Variants in IGF1R observed in about 807,000 individuals in gnomAD.
IGF1R encodes the protein insulin like growth factor 1 receptor.
Under a neutral mutation model 144.6 loss-of-function variants are expected in IGF1R, and 44 were observed. The ratio of observed to expected loss-of-function variants is 0.30; its 90% CI spans 0.24 to 0.39. IGF1R has a LOEUF of 0.39. Ranked by LOEUF, IGF1R falls within the 10% of genes least tolerant of loss-of-function variation. The pLI is 1.00. For missense variants in IGF1R, 1,355 were observed against 1,833.7 expected (o/e 0.74, Z 4.77); for synonymous variants, 795 against 722.8 (o/e 1.10, Z -1.60).
At position 98,770,937 on chromosome 15, in the gene IGF1R, T is replaced by G. The variant is rs115675609; in HGVS notation, c.640+62830T>G. Among the ~76,000 whole-genome samples the G allele has an allele frequency of 1.5e-3, 235 of 152,254 alleles. 1 individual carries two copies. Among genetic ancestry groups the G allele is most frequent in the African/African-American group, 5.4e-3 (225 of 41,530 alleles). ...TCAGAGACTTCTGATCCCTAAAACT[T>G]TAGATCAACAGTCAATAAAAAGGTC... On this transcript the variant is annotated intron_variant, in intron 2 of 20. Coordinates refer to ENST00000650285, the MANE Select transcript of IGF1R (RefSeq NM_000875.5).
At chr15:98,912,681 A>G (rs1037011873) in intron 7 of IGF1R, among the ~76,000 whole-genome samples, 3 of 152,218 alleles carry the variant, frequency 2.0e-5, no homozygotes, top group Non-Finnish European at 2.9e-5. Flanking sequence ...TCCAACAGTT[A>G]CCTTCTTTCA....
chr15:98,964,015 C>A lies in IGF1R; in HGVS notation c.*6573C>A, dbSNP rs949798723. On this transcript the variant is annotated 3_prime_UTR_variant, in exon 21 of 21. Transcript: ENST00000650285. ...TTGGATGTTTGGCGTTGCACACACA[C>A]ATCCACCGGTGGAAGAGACGCCCGG... 4.3e-6 allele frequency: 1 copy of A among 233,226 alleles called. No homozygotes were observed. The highest frequency in any genetic ancestry group is 5.6e-5 in the Admixed American group (1 of 17,790). 14.4% of individuals were successfully genotyped at this position (233,226 alleles called of 1,614,324 possible).
Position 98,707,576 on chromosome 15 carries a change from A to G in IGF1R, c.109A>G (p.Ile37Val), listed in dbSNP as rs2053895754. 1 of 1,614,114 alleles carries G rather than the reference A, an allele frequency of 6.2e-7. No homozygotes were observed. The change falls in exon 2 of 21, where the codon ATC becomes GTC. Residue 37 changes from isoleucine to valine, a missense_variant. Ile to Val is a conservative substitution (Grantham distance 29). This residue lies in a region of IGF1R where 75 missense variants were observed against 160.0 expected (regional missense o/e 0.47). Coordinates refer to ENST00000650285, the MANE Select transcript of IGF1R (RefSeq NM_000875.5). This position sits in a 1 kb window ranked among gnomAD's most constrained non-coding sequence, Gnocchi z 6.7. ...PTSGEICGPGIDIRNDYQQLK... is the reference protein window; with the variant it reads ...PTSGEICGPGVDIRNDYQQLK... Reference sequence around the variant, plus strand: ...TCTCCCTTCAGTCTGCGGGCCAGGCATCGACATCCGCAACGACTATCAGCA... The same window carrying G: ...TCTCCCTTCAGTCTGCGGGCCAGGCGTCGACATCCGCAACGACTATCAGCA...
At chr15:98,850,309 GAC>G (rs1464706010) in intron 2 of IGF1R, among the ~76,000 whole-genome samples, 3 of 152,262 alleles carry the variant, frequency 2.0e-5, no homozygotes, top group Non-Finnish European at 4.4e-5. Flanking sequence ...GCCACTCACA[GAC>G]ACAGAGGAGG....
intron 20 of IGF1R, among the ~76,000 whole-genome samples, chr15:98,956,853 G>A (rs2017007983): frequency 6.6e-6 from 1 of 152,216 alleles, no homozygotes; most frequent in Admixed American, 6.5e-5. Flanking sequence ...TGGGGGAAGA[G>A]AATGGAACCG....
chr15:98,824,687 G>A (rs1271498655), intron 2 of IGF1R, among the ~76,000 whole-genome samples: 2 of 152,076 alleles, frequency 1.3e-5, no homozygotes, highest in African/African-American at 2.4e-5. Context: ...CCACTTGCTC[G>A]GCATTCTTTC....
chr15:98,719,289 G>A (rs2054192453), intron 2 of IGF1R, among the ~76,000 whole-genome samples: 1 of 152,000 alleles, frequency 6.6e-6, no homozygotes, highest in South Asian at 2.1e-4. Context: ...ATCACTTCAG[G>A]GACTGTCCAG....
At chr15:98,955,943 C>T (rs148488378) in intron 20 of IGF1R, among the ~76,000 whole-genome samples, 4 of 152,274 alleles carry the variant, frequency 2.6e-5, no homozygotes, top group East Asian at 1.9e-4. Flanking sequence ...TGAGAACAGA[C>T]GTGGAAAGGA....
At chr15:98,691,779 T>G (rs549189739) in intron 1 of IGF1R, among the ~76,000 whole-genome samples, 1 of 152,328 alleles carries the variant, frequency 6.6e-6, no homozygotes, top group South Asian at 2.1e-4. Context: ...TTGTTAACCT[T>G]CACCACCTGG....
intron 2 of IGF1R, among the ~76,000 whole-genome samples, chr15:98,879,039 C>T (rs908807848): frequency 1.4e-4 from 22 of 152,090 alleles, no homozygotes; most frequent in African/African-American, 5.3e-4. Flanking sequence ...GAGAGCGACA[C>T]TGTGTGTCCA....
intron 2 of IGF1R, among the ~76,000 whole-genome samples, chr15:98,855,995 A>T (rs1047131694): frequency 3.3e-5 from 5 of 152,234 alleles, no homozygotes; most frequent in Non-Finnish European, 7.3e-5. Context: ...CAAAGCATGA[A>T]GCTGCTGTAT....
intron 2 of IGF1R, among the ~76,000 whole-genome samples, chr15:98,829,177 A>G (rs191646153): frequency 6.6e-6 from 1 of 152,170 alleles, no homozygotes; most frequent in Non-Finnish European, 1.5e-5. Context: ...TTCTTACCAC[A>G]TCTGGCATGT....
chr15:98,666,738 G>T (rs1414237622), intron 1 of IGF1R, among the ~76,000 whole-genome samples: 1 of 151,664 alleles, frequency 6.6e-6, no homozygotes, highest in Non-Finnish European at 1.5e-5. Context: ...AATAGAGGCT[G>T]GGGGGAGGGA....
intron 15 of IGF1R, among the ~76,000 whole-genome samples, chr15:98,931,488 A>G (rs1009438940): frequency 6.6e-6 from 1 of 152,222 alleles, no homozygotes; most frequent in African/African-American, 2.4e-5. Flanking sequence ...TAGTAAAGTC[A>G]ATCAAAAGCA....
At chr15:98,806,005 C>T (rs577308578) in intron 2 of IGF1R, among the ~76,000 whole-genome samples, 1 of 152,212 alleles carries the variant, frequency 6.6e-6, no homozygotes, top group Non-Finnish European at 1.5e-5. Flanking sequence ...GGTGCCCACA[C>T]TTCTGTCTGA....
chr15:98,648,989 G>C lies in IGF1R; in HGVS notation c.-593G>C, dbSNP rs1374880953. 7 of 214,346 alleles carry C rather than the reference G, an allele frequency of 3.3e-5. No homozygotes were observed. Among genetic ancestry groups the C allele is most frequent in the Non-Finnish European group, 5.6e-5 (6 of 107,476 alleles). The allele number at this position is 214,346 out of a possible 1,614,324, so 13.3% of individuals were successfully genotyped here. A position where few individuals can be genotyped will look rare whatever the true frequency, so the allele number is the denominator to read the frequency against. On this transcript the variant is annotated 5_prime_UTR_variant, in exon 1 of 21. Transcript: ENST00000650285. ...TGGATTTGGGAAGGAGCTCGCCGCG[G>C]CGGCGGCGGCGCTGAGGGAGGAGGC...
chr15:98,797,816 A>G (rs2056280538), intron 2 of IGF1R, among the ~76,000 whole-genome samples: 1 of 152,196 alleles, frequency 6.6e-6, no homozygotes, highest in East Asian at 1.9e-4. Flanking sequence ...AGTGGTAGAA[A>G]CAGACAACAA....
rs2141257683 is a variant in IGF1R, at chr15:98,707,028, G to A, written c.95-534G>A. Among the ~76,000 whole-genome samples, 1 of 152,322 alleles carries A rather than the reference G, an allele frequency of 6.6e-6. No homozygotes were observed. Among genetic ancestry groups the A allele is most frequent in the East Asian group, 1.9e-4 (1 of 5,192 alleles). ...GGCTTATGTCAAATGGTAGTGGGAA[G>A]CATGGAAGCATGCGTTTTTTAGTCC... On this transcript the variant is annotated intron_variant, in intron 1 of 20. Transcript: ENST00000650285. This position sits in a 1 kb window ranked among gnomAD's most constrained non-coding sequence, Gnocchi z 6.7.
intron 2 of IGF1R, among the ~76,000 whole-genome samples, chr15:98,748,430 C>T (rs1433326807): frequency 6.6e-6 from 1 of 152,236 alleles, no homozygotes; most frequent in African/African-American, 2.4e-5. Context: ...CTTCCCCAGC[C>T]TCCCAAAGTG....
Sources: allele counts gnomAD v4.1 joint callset (sites outside exome capture counted in the v4.1 genomes callset), GRCh38; gene constraint gnomAD v4.1.1; regional missense constraint gnomAD v4.1.1; non-coding constraint Gnocchi (gnomAD v3.1); transcripts MANE v1.5; gene names NCBI Gene and HGNC (gene_info 2026-07-23, HGNC 2026-07-21).